Variants in THRB observed in about 807,000 individuals in gnomAD.
The protein encoded by THRB is nuclear receptor subfamily 1 group A member 2.
A neutral mutation model predicts 47.8 loss-of-function variants in THRB; 12 were observed. That is an observed-to-expected ratio of 0.25 (90% CI 0.16 to 0.41). The LOEUF (loss-of-function observed/expected upper bound fraction) is 0.41, where lower values mean the gene tolerates loss of function less well. Among genes scored for constraint, THRB ranks in the 10% least tolerant of loss-of-function variants. THRB has a pLI of 1.00. For missense variants in THRB, 348 were observed against 589.2 expected (o/e 0.59, Z 4.24); for synonymous variants, 218 against 212.2 (o/e 1.03, Z -0.24).
At chr3:24,256,029 C>A (rs1225871582) in intron 3 of THRB, among the ~76,000 whole-genome samples, 1 of 152,062 alleles carries the variant, frequency 6.6e-6, no homozygotes, top group East Asian at 1.9e-4. Context: ...TTAAAGAACT[C>A]TAATATTGAA....
At chr3:24,221,808 C>T (rs778455562) in intron 4 of THRB, among the ~76,000 whole-genome samples, 68 of 152,170 alleles carry the variant, frequency 4.5e-4, no homozygotes, top group Admixed American at 3.9e-4. Flanking sequence ...GGAAGGTTTT[C>T]GCTAGTCTGT....
chr3:24,246,820 C>G (rs938719104), intron 3 of THRB, among the ~76,000 whole-genome samples: 3 of 152,124 alleles, frequency 2.0e-5, no homozygotes, highest in African/African-American at 7.2e-5. Flanking sequence ...ATAAACAAGG[C>G]CCACTTAATG....
chr3:24,332,852 C>T (rs979454143), intron 2 of THRB, among the ~76,000 whole-genome samples: 15 of 152,126 alleles, frequency 9.9e-5, no homozygotes, highest in Non-Finnish European at 1.9e-4. Context: ...GTCAGGAGAT[C>T]GAGACCATCC....
In THRB at chr3:24,120,932, G is replaced by T. The variant is rs1446869511; in HGVS notation, c.*1952C>A. The T allele has an allele frequency of 6.6e-6, 1 of 152,078 alleles. No individual in the cohort carries two copies. The highest frequency in any genetic ancestry group is 1.5e-5 in the Non-Finnish European group (1 of 68,020). 9.4% of individuals were successfully genotyped at this position (152,078 alleles called of 1,614,324 possible). A position where few individuals can be genotyped will look rare whatever the true frequency, so the allele number is the denominator to read the frequency against. ...TTGAATATTTAATTCCCCGCTCCCAGATAATTTCCAATCATACTTGGAATT... is the reference window on the plus strand; with the variant it reads ...TTGAATATTTAATTCCCCGCTCCCATATAATTTCCAATCATACTTGGAATT... On this transcript the variant is annotated 3_prime_UTR_variant, in exon 11 of 11. Transcript: ENST00000646209.
chr3:24,382,381 T>C (rs144781813), intron 1 of THRB, among the ~76,000 whole-genome samples: 8 of 152,204 alleles, frequency 5.3e-5, no homozygotes, highest in Non-Finnish European at 1.0e-4. Flanking sequence ...TCTTAATAAA[T>C]AAATATTTTA....
In THRB at chr3:24,395,767, A is replaced by C. The variant is rs185899057; in HGVS notation, c.-260-58396T>G. On this transcript the variant is annotated intron_variant, in intron 1 of 10. Transcript: ENST00000646209. ...CCAGCAATTATACTCCTAGATATATATCCAAGATAAATGAAAATGTATGCC... is the reference window on the plus strand; with the variant it reads ...CCAGCAATTATACTCCTAGATATATCTCCAAGATAAATGAAAATGTATGCC... 2.8e-4 allele frequency among the ~76,000 whole-genome samples: 43 copies of C among 152,266 alleles called. 1 individual carries two copies. In the East Asian group the frequency reaches 6.8e-3, roughly 24 times the overall value.
At chr3:24,270,597 T>A (rs977056932) in intron 3 of THRB, among the ~76,000 whole-genome samples, 2 of 152,248 alleles carry the variant, frequency 1.3e-5, no homozygotes, top group Admixed American at 6.5e-5. Flanking sequence ...TTGGCATCCA[T>A]GCAATTCTTG....
rs142976202 is a variant in THRB, at chr3:24,392,403, C to T, written c.-260-55032G>A. On this transcript the variant is annotated intron_variant, in intron 1 of 10. Coordinates refer to ENST00000646209, the MANE Select transcript of THRB (RefSeq NM_001354712.2). ...GATGGGTACATTACAACTCTTCTAC[C>T]TATTTAAAAATATACAATAAGCTAT... Among the ~76,000 whole-genome samples the T allele has an allele frequency of 9.4e-3, 1,427 of 152,192 alleles. 10 individuals are homozygous for T. Among genetic ancestry groups the T allele is most frequent in the Middle Eastern group, 0.048 (14 of 294 alleles).
intron 1 of THRB, among the ~76,000 whole-genome samples, chr3:24,342,271 T>C (rs1164516750): frequency 6.6e-6 from 1 of 152,036 alleles, no homozygotes; most frequent in East Asian, 1.9e-4. Flanking sequence ...ATAAACTGGT[T>C]TAAGTATTTA....
chr3:24,271,541 G>T (rs2053331549), intron 3 of THRB, among the ~76,000 whole-genome samples: 1 of 152,046 alleles, frequency 6.6e-6, no homozygotes, highest in South Asian at 2.1e-4. Flanking sequence ...GATGAACAGA[G>T]TATTTCTATT....
At chr3:24,381,442 G>A (rs2065704971) in intron 1 of THRB, among the ~76,000 whole-genome samples, 1 of 152,134 alleles carries the variant, frequency 6.6e-6, no homozygotes, top group South Asian at 2.1e-4. Flanking sequence ...AAGCTTTTTG[G>A]AGTAGAAGTC....
chr3:24,162,865 T>C (rs1352053319), intron 5 of THRB, among the ~76,000 whole-genome samples: 1 of 152,114 alleles, frequency 6.6e-6, no homozygotes, highest in Non-Finnish European at 1.5e-5. Flanking sequence ...ATTCTCTGTA[T>C]ATTAGAAAAT....
chr3:24,405,594 C>T (rs2067756100), intron 1 of THRB, among the ~76,000 whole-genome samples: 1 of 151,712 alleles, frequency 6.6e-6, no homozygotes, highest in Admixed American at 6.6e-5. Context: ...ATTTTGTTTA[C>T]AGTTTTTTTC....
chr3:24,133,820 T>C (rs975263906), intron 8 of THRB, among the ~76,000 whole-genome samples: 1 of 152,076 alleles, frequency 6.6e-6, no homozygotes, highest in African/African-American at 2.4e-5. Flanking sequence ...GGGATGGCAT[T>C]TTCAGAGCAC....
At chr3:24,144,095 C>T (rs1024236544) in intron 7 of THRB, 10 of 249,122 alleles carry the variant, frequency 4.0e-5, no homozygotes, top group Non-Finnish European at 5.5e-5. Flanking sequence ...GGTTTCTGTC[C>T]TCCCCGCTTC....
chr3:24,443,090 G>A (rs2071710769), intron 1 of THRB, among the ~76,000 whole-genome samples: 1 of 151,996 alleles, frequency 6.6e-6, no homozygotes. Flanking sequence ...GCTGAGGCAG[G>A]AGAATTGCTT....
chr3:24,191,948 A>G (rs2149621232), intron 4 of THRB, among the ~76,000 whole-genome samples: 1 of 152,332 alleles, frequency 6.6e-6, no homozygotes, highest in East Asian at 1.9e-4. Flanking sequence ...TGGGTGTAAC[A>G]TTTGATCTTA....
intron 1 of THRB, among the ~76,000 whole-genome samples, chr3:24,431,460 T>C (rs762963908): frequency 6.6e-6 from 1 of 152,076 alleles, no homozygotes; most frequent in Non-Finnish European, 1.5e-5. Flanking sequence ...ACATTTTAGA[T>C]GGACAAAATT....
At chr3:24,170,452 G>A (rs1038437518) in intron 5 of THRB, among the ~76,000 whole-genome samples, 2 of 152,072 alleles carry the variant, frequency 1.3e-5, no homozygotes, top group Non-Finnish European at 2.9e-5. Flanking sequence ...ATCAGATAAT[G>A]TTTCTTCCTT....
Sources: gnomAD v4.1 joint callset for allele counts (sites outside exome capture counted in the v4.1 genomes callset) on GRCh38, gnomAD v4.1.1 for gene constraint, MANE v1.5 for transcripts, NCBI Gene and HGNC (gene_info 2026-07-23, HGNC 2026-07-21) for gene names.